PTCH1: variants seen among roughly 807,000 people sequenced by gnomAD.
PTCH1 encodes protein patched homolog 1.
Under a neutral mutation model 144.6 loss-of-function variants are expected in PTCH1, and 14 were observed. That is an observed-to-expected ratio of 0.10 (90% CI 0.06 to 0.15). PTCH1 has a LOEUF of 0.15. PTCH1 is among the 10% of genes least tolerant of loss of function. The pLI is 1.00. For missense variants in PTCH1, 1,623 were observed against 1,948.3 expected, an observed-to-expected ratio of 0.83 and a Z score of 3.14; for synonymous variants, 833 against 793.6, an observed-to-expected ratio of 1.05 and a Z score of -0.83.
intron 13 of PTCH1, 22 bp downstream of exon 13, chr9:95,469,791 C>T (rs750488366): frequency 2.5e-6 from 4 of 1,587,346 alleles, no homozygotes; most frequent in Non-Finnish European, 3.5e-6. Flanking sequence ...AATCAAAAGG[C>T]CACAGCAGTC....
chr9:95,460,646 A>C lies in PTCH1; in HGVS notation c.2704-863T>G, dbSNP rs149078979. Among the ~76,000 whole-genome samples, 352 of 152,228 alleles carry C rather than the reference A, an allele frequency of 2.3e-3. 2 individuals are homozygous for C. The highest frequency in any genetic ancestry group is 3.3e-3 in the Non-Finnish European group (225 of 67,986). On this transcript the variant is annotated intron_variant, in intron 16 of 23. Coordinates refer to ENST00000331920, the MANE Select transcript of PTCH1 (RefSeq NM_000264.5). Reference sequence around the variant, plus strand: ...AACTGGATTTCGGGGATCTGGATTCAATTAATCCACAGGATATGTAACAAC... The same window carrying C: ...AACTGGATTTCGGGGATCTGGATTCCATTAATCCACAGGATATGTAACAAC...
intron 1 of PTCH1, chr9:95,507,912 A>C (rs2118902386): frequency 1.5e-6 from 2 of 1,377,662 alleles, no homozygotes; most frequent in African/African-American, 2.9e-5. Context: ...GTATACACAC[A>C]CACACACGCA....
Position 95,449,546 on chromosome 9 carries a change from G to A in PTCH1, c.3550-223C>T. The A allele has an allele frequency of 4.5e-6, 3 of 668,564 alleles. No homozygotes were observed. The South Asian group carries it at 5.7e-5, about 13-fold the overall frequency. The allele number at this position is 668,564 out of a possible 1,614,324, so 41.4% of individuals were successfully genotyped here. A position where few individuals can be genotyped will look rare whatever the true frequency, so the allele number is the denominator to read the frequency against. ...GCTCCACACTGGAAAGGCAGGATGT[G>A]TACTTTTTACTCTTGTGAAGTCCAA... On this transcript the variant is annotated intron_variant, in intron 21 of 23. Coordinates refer to ENST00000331920, the MANE Select transcript of PTCH1 (RefSeq NM_000264.5). This position sits in a 1 kb window ranked among gnomAD's most constrained non-coding sequence, Gnocchi z 5.3.
At chr9:95,486,127 C>T (rs1296104994) in intron 2 of PTCH1, among the ~76,000 whole-genome samples, 2 of 151,450 alleles carry the variant, frequency 1.3e-5, no homozygotes, top group Non-Finnish European at 2.9e-5. Context: ...CTAACTAATA[C>T]ACTGTGTGAC....
chr9:95,505,508 A>G (rs1424883460), intron 2 of PTCH1, among the ~76,000 whole-genome samples: 5 of 152,322 alleles, frequency 3.3e-5, no homozygotes, highest in East Asian at 1.9e-4. Context: ...GAAAAAATAT[A>G]TATCTATTTT....
Position 95,478,060 on chromosome 9 carries a change from G to C in PTCH1, c.1342C>G (p.Leu448Val), listed in dbSNP as rs537871675. 8.1e-6 allele frequency: 13 copies of C among 1,614,218 alleles called. No individual in the cohort carries two copies. Among genetic ancestry groups the C allele is most frequent in the Admixed American group, 1.7e-5 (1 of 60,030 alleles). ...AGCATGGCATCGAGCGTTACCATGA[G>C]TAAGTAGCCGCTGGCCACGCGGATG... is the stretch of plus-strand genomic sequence containing the variant. ...SVIRVASGYL[L>V]MLAYACLTML... Residue 448 changes from leucine to valine, a missense_variant, in exon 9 of 24, where the codon CTC (leucine) becomes GTC (valine). By Grantham distance (32) the Leu-to-Val change is conservative (BLOSUM62 1). Transcript: ENST00000331920.
rs962418901 is a variant in PTCH1, at chr9:95,443,006, G to A, written c.*3387C>T. 6.6e-6 allele frequency: 1 copy of A among 152,168 alleles called. No homozygotes were observed. The highest frequency in any genetic ancestry group is 1.5e-5 in the Non-Finnish European group (1 of 68,044). 9.4% of individuals were successfully genotyped at this position (152,168 alleles called of 1,614,324 possible). A position where few individuals can be genotyped will look rare whatever the true frequency, so the allele number is the denominator to read the frequency against. ...CATCTTTGAATTTGGCTTTATTTAT[G>A]TTCCCTCATTATTAGGCATCACATA... On this transcript the variant is annotated 3_prime_UTR_variant, in exon 24 of 24. Coordinates refer to ENST00000331920, the MANE Select transcript of PTCH1 (RefSeq NM_000264.5).
At position 95,451,478 on chromosome 9, in the gene PTCH1, G is replaced by A. The variant is rs148664376; in HGVS notation, c.3450-1538C>T. 1,276 of 152,314 alleles carry A rather than the reference G, an allele frequency of 8.4e-3. 10 individuals carry two copies. The highest frequency in any genetic ancestry group is 0.02 in the Middle Eastern group (6 of 294). The allele number at this position is 152,314 out of a possible 1,614,324, so 9.4% of individuals were successfully genotyped here. On this transcript the variant is annotated intron_variant, in intron 20 of 23. Transcript: ENST00000331920. ...AACCCCGGCTGAGAGGAGAGCGCTG[G>A]GATTCCAGCTGCCAGGTTTCCAGCT...
Position 95,508,561 on chromosome 9 carries a change from C to T in PTCH1, c.-200G>A, listed in dbSNP as rs1843941941. The T allele has an allele frequency of 3.0e-6, 3 of 1,003,264 alleles. No homozygotes were observed. The highest frequency in any genetic ancestry group is 9.2e-5 in the South Asian group (2 of 21,666). The allele number at this position is 1,003,264 out of a possible 1,614,324, so 62.1% of individuals were successfully genotyped here. A position where few individuals can be genotyped will look rare whatever the true frequency, so the allele number is the denominator to read the frequency against. On this transcript the variant is annotated 5_prime_UTR_variant, in exon 1 of 24. Transcript: ENST00000331920. ...CACACGGCGGGCGCTGCTGCCGCTG[C>T]GGCCGCGGCCGCTGCCGGGGAGTCA...
chr9:95,471,238 C>T (rs776006035), intron 12 of PTCH1, among the ~76,000 whole-genome samples: 3 of 152,206 alleles, frequency 2.0e-5, no homozygotes, highest in Non-Finnish European at 2.9e-5. Flanking sequence ...AGAACTTCCA[C>T]AAAGGGCTTT....
intron 8 of PTCH1, 127 bp downstream of exon 8, chr9:95,478,873 C>G: frequency 6.9e-7 from 1 of 1,439,882 alleles, no homozygotes; most frequent in Non-Finnish European, 9.5e-7. Context: ...AAGTTTTCAT[C>G]CCATCAAGTT....
chr9:95,470,576 G>A (rs910925727), intron 12 of PTCH1, among the ~76,000 whole-genome samples: 1 of 152,152 alleles, frequency 6.6e-6, no homozygotes, highest in East Asian at 1.9e-4. Context: ...CCATAACCTA[G>A]AATAAACACA....
At chr9:95,506,777 C>A (rs991388099) in intron 1 of PTCH1, 178 bp from the exon 2 acceptor site, 9 of 1,067,136 alleles carry the variant, frequency 8.4e-6, no homozygotes, top group Non-Finnish European at 1.1e-5. Flanking sequence ...ATGGGGGGCT[C>A]GGTCATAAAG....
intron 2 of PTCH1, among the ~76,000 whole-genome samples, chr9:95,501,067 G>A (rs1587676671): frequency 2.0e-5 from 3 of 152,168 alleles, no homozygotes; most frequent in African/African-American, 7.2e-5. Flanking sequence ...TAATACTCTT[G>A]CATCTCTGCA....
rs2118289318 is a variant in PTCH1, at chr9:95,476,888, G to A, written c.1504-31C>T. Reference sequence around the variant, plus strand: ...GCAAAAACAGAGGATGGTGGCATTAGACATGCGAGATGCAATTCAGATGAT... The same window carrying A: ...GCAAAAACAGAGGATGGTGGCATTAAACATGCGAGATGCAATTCAGATGAT... On this transcript the variant is annotated intron_variant, in intron 10 of 23. Transcript: ENST00000331920. The surrounding 1 kb of genome is among the most constrained non-coding windows in gnomAD (Gnocchi z 4.6). 1 of 1,589,294 alleles carries A rather than the reference G, an allele frequency of 6.3e-7. No individual in the cohort carries two copies. Among genetic ancestry groups the A allele is most frequent in the Non-Finnish European group, 8.6e-7 (1 of 1,159,362 alleles).
chr9:95,510,856 C>T (rs1398020654), upstream of PTCH1, among the ~76,000 whole-genome samples: 2 of 151,194 alleles, frequency 1.3e-5, no homozygotes, highest in African/African-American at 4.8e-5. Context: ...CCGGTGCGCG[C>T]GCGCGCCCGG....
In PTCH1 at chr9:95,458,136, G is replaced by A. The variant is rs1404182043; in HGVS notation, c.3045C>T (p.Phe1015=). ...GGCCGATGTACTGCTCCCAGAAGAG[G>A]AAGGGGTAGCCGTTGGGGTAACTGG... ...GLSSYPNGYP[F]LFWEQYIGLR... is the part of the protein sequence containing the mutation. Residue 1015 remains phenylalanine (F), a synonymous_variant, in exon 18 of 24, where the codon TTC becomes TTT. Coordinates refer to ENST00000331920, the MANE Select transcript of PTCH1 (RefSeq NM_000264.5). This position sits in a 1 kb window ranked among gnomAD's most constrained non-coding sequence, Gnocchi z 4.7. 2.5e-6 allele frequency: 4 copies of A among 1,614,248 alleles called. No individual in the cohort carries two copies. Among genetic ancestry groups the A allele is most frequent in the Middle Eastern group, 1.6e-4 (1 of 6,062 alleles).
chr9:95,445,682 C>T lies in PTCH1; in HGVS notation c.*711G>A, dbSNP rs1588506357. The T allele has an allele frequency of 6.6e-6, 1 of 152,550 alleles. No individual in the cohort carries two copies. Among genetic ancestry groups the T allele is most frequent in the East Asian group, 1.9e-4 (1 of 5,178 alleles). The allele number at this position is 152,550 out of a possible 1,614,324, so 9.4% of individuals were successfully genotyped here. A position where few individuals can be genotyped will look rare whatever the true frequency, so the allele number is the denominator to read the frequency against. On this transcript the variant is annotated 3_prime_UTR_variant, in exon 24 of 24. Transcript: ENST00000331920. ...CCTGACGCTTCCAGCCTGACTAGGT[C>T]AGAGCCTACTACAGGTTACAGACAG...
intron 2 of PTCH1, among the ~76,000 whole-genome samples, chr9:95,501,620 C>G (rs1009215058): frequency 6.6e-6 from 1 of 151,800 alleles, no homozygotes; most frequent in Non-Finnish European, 1.5e-5. Context: ...ATCCAAACAC[C>G]AAAGCAATAT....
Sources: allele counts gnomAD v4.1 joint callset (sites outside exome capture counted in the v4.1 genomes callset), GRCh38; gene constraint gnomAD v4.1.1; non-coding constraint Gnocchi (gnomAD v3.1); transcripts MANE v1.5; gene names NCBI Gene and HGNC (gene_info 2026-07-23, HGNC 2026-07-21).